DNAH14: variants seen among roughly 807,000 people sequenced by gnomAD.
DNAH14 encodes the protein dynein axonemal heavy chain 14, also known as axonemal beta dynein heavy chain 14.
Under a neutral mutation model 520.9 loss-of-function variants are expected in DNAH14, and 478 were observed. The ratio of observed to expected loss-of-function variants is 0.92; its 90% CI spans 0.85 to 0.99. The LOEUF is 0.99. Among genes scored for constraint, DNAH14 ranks in the 50% least tolerant of loss-of-function variants. The probability of loss-of-function intolerance (pLI) is 0.00; values close to 1 mark genes in which losing one functional copy is unlikely to be tolerated. For synonymous variants in DNAH14, 1,581 were observed against 1,757.2 expected, an observed-to-expected ratio of 0.90 and a Z score of 2.51; for missense variants, 4,831 against 5,234.5, an observed-to-expected ratio of 0.92 and a Z score of 2.38.
At chr1:225,015,006 G>A (rs1456664029) in intron 10 of DNAH14, among the ~76,000 whole-genome samples, 1 of 152,068 alleles carries the variant, frequency 6.6e-6, no homozygotes, top group Non-Finnish European at 1.5e-5. Context: ...ATTTACAATT[G>A]TTATATTATC....
In DNAH14 at chr1:225,123,523, G is replaced by A. The variant is rs943379802; in HGVS notation, c.4167-4G>A. On this transcript the variant is annotated splice_polypyrimidine_tract_variant and splice_region_variant and intron_variant, in intron 26 of 85. Coordinates refer to ENST00000682510, the MANE Select transcript of DNAH14 (RefSeq NM_001367479.1). ...ATAACATAAATAAATTTTTTAATTTGTAGATTTTTAAGTCAAGGGATTGAA... is the reference window on the plus strand; with the variant it reads ...ATAACATAAATAAATTTTTTAATTTATAGATTTTTAAGTCAAGGGATTGAA... The A allele has an allele frequency of 6.3e-5, 26 of 410,906 alleles. No individual in the cohort carries two copies. Among genetic ancestry groups the A allele is most frequent in the African/African-American group, 5.0e-4 (24 of 48,156 alleles). 25.5% of individuals were successfully genotyped at this position (410,906 alleles called of 1,614,324 possible).
chr1:225,273,974 G>T (rs1218915014), intron 52 of DNAH14, among the ~76,000 whole-genome samples: 1 of 151,996 alleles, frequency 6.6e-6, no homozygotes, highest in East Asian at 1.9e-4. Flanking sequence ...ATTAACAGAA[G>T]CCCAGGAAAT....
chr1:225,155,180 A>G (rs2080905452), intron 34 of DNAH14, among the ~76,000 whole-genome samples: 1 of 152,158 alleles, frequency 6.6e-6, no homozygotes, highest in South Asian at 2.1e-4. Context: ...TTCTGGGTAG[A>G]AAGGAACAAG....
intron 77 of DNAH14, among the ~76,000 whole-genome samples, chr1:225,373,058 A>C (rs2095637344): frequency 6.6e-6 from 1 of 152,004 alleles, no homozygotes; most frequent in Non-Finnish European, 1.5e-5. Context: ...ATAGTAACAA[A>C]AAAATTCCTT....
At chr1:225,213,580 C>T (rs1053083961) in intron 41 of DNAH14, among the ~76,000 whole-genome samples, 6 of 152,128 alleles carry the variant, frequency 3.9e-5, no homozygotes, top group African/African-American at 1.2e-4. Context: ...TCTTTTATTT[C>T]GTTGAGCAGT....
Position 225,369,923 on chromosome 1 carries a change from C to T in DNAH14, c.12318+1891C>T, listed in dbSNP as rs182043156. Among the ~76,000 whole-genome samples, 508 of 152,264 alleles carry T rather than the reference C, an allele frequency of 3.3e-3. 5 individuals carry two copies. The highest frequency in any genetic ancestry group is 0.011 in the African/African-American group (473 of 41,546). On this transcript the variant is annotated intron_variant, in intron 77 of 85. Coordinates refer to ENST00000682510, the MANE Select transcript of DNAH14 (RefSeq NM_001367479.1). Reference sequence around the variant, plus strand: ...GAAATCAGCCAGGCTCGGTGGCTCACAGCTGTAATCTCAGCACTTTGGGAG... The same window carrying T: ...GAAATCAGCCAGGCTCGGTGGCTCATAGCTGTAATCTCAGCACTTTGGGAG...
At chr1:225,371,844 T>C (rs2095622031) in intron 77 of DNAH14, among the ~76,000 whole-genome samples, 1 of 152,076 alleles carries the variant, frequency 6.6e-6, no homozygotes, top group Non-Finnish European at 1.5e-5. Flanking sequence ...GGAACAAATT[T>C]AACAAGAAAC....
At chr1:225,114,738 A>C (rs888962139) in intron 23 of DNAH14, among the ~76,000 whole-genome samples, 2 of 152,092 alleles carry the variant, frequency 1.3e-5, no homozygotes, top group Non-Finnish European at 2.9e-5. Flanking sequence ...CAGCTGAGTT[A>C]TGTCCAGTGT....
In DNAH14 at chr1:225,050,241, G is replaced by C. The variant is rs2068412143; in HGVS notation, c.1944G>C (p.Gln648His). The change falls in exon 16 of 86, where the codon CAG (glutamine) becomes CAC (histidine). Residue 648 changes from glutamine to histidine, a missense_variant. Gln to His is a conservative substitution (Grantham distance 24). Transcript: ENST00000682510. The stretch of plus-strand genomic sequence containing the variant: ...TTACTCCTCTTTGCCAAGATCCCCA[G>C]CTGTCTATCTTCATTGATTTGGTTT... Reference protein sequence around the residue: ...TTITPLCQDPQLSIFIDLVSI... With the variant: ...TTITPLCQDPHLSIFIDLVSI... 6.5e-7 allele frequency: 1 copy of C among 1,545,348 alleles called. No homozygotes were observed. Among genetic ancestry groups the C allele is most frequent in the South Asian group, 1.2e-5 (1 of 81,676 alleles).
At chr1:224,949,743 A>G (rs1032104839) in intron 1 of DNAH14, among the ~76,000 whole-genome samples, 1 of 152,110 alleles carries the variant, frequency 6.6e-6, no homozygotes, top group African/African-American at 2.4e-5. Flanking sequence ...AGGTTCATGC[A>G]TTATTATATT....
chr1:225,046,441 T>C lies in DNAH14; in HGVS notation c.1912+2458T>C, dbSNP rs2067970738. ...ATTCTATTATGATTTCATTTTTATA[T>C]TTAAATATTTGTTCACTCTGAGATT... On this transcript the variant is annotated intron_variant, in intron 15 of 85. Coordinates refer to ENST00000682510, the MANE Select transcript of DNAH14 (RefSeq NM_001367479.1). Among the ~76,000 whole-genome samples, 3 of 152,144 alleles carry C rather than the reference T, an allele frequency of 2.0e-5. No individual in the cohort carries two copies. The South Asian group carries it at 6.2e-4, about 31-fold the overall frequency.
intron 64 of DNAH14, among the ~76,000 whole-genome samples, chr1:225,328,496 G>C (rs368455591): frequency 1.3e-5 from 2 of 152,034 alleles, no homozygotes; most frequent in South Asian, 4.2e-4. Context: ...TTAAAATTTA[G>C]CTTACTAGTT....
intron 8 of DNAH14, among the ~76,000 whole-genome samples, chr1:224,992,046 C>A (rs2063093694): frequency 6.6e-6 from 1 of 152,242 alleles, no homozygotes; most frequent in East Asian, 1.9e-4. Context: ...TCAGTTTGTA[C>A]ACGCATAGGT....
intron 8 of DNAH14, among the ~76,000 whole-genome samples, chr1:224,996,841 G>T (rs1446219686): frequency 6.6e-6 from 1 of 152,170 alleles, no homozygotes; most frequent in Non-Finnish European, 1.5e-5. Context: ...TCCTGCTTAT[G>T]CAGGGCCTTG....
chr1:225,016,185 CTT>C (rs1441385971), intron 10 of DNAH14, among the ~76,000 whole-genome samples: 1 of 152,110 alleles, frequency 6.6e-6, no homozygotes, highest in Non-Finnish European at 1.5e-5. Context: ...ACCATTGTCC[CTT>C]GGTGTCCATG....
At chr1:225,321,733 G>A (rs557378177) in intron 61 of DNAH14, among the ~76,000 whole-genome samples, 8 of 152,256 alleles carry the variant, frequency 5.3e-5, no homozygotes, top group African/African-American at 1.7e-4. Flanking sequence ...CCAGTGGCAC[G>A]TCAACTGATT....
At chr1:225,270,708 T>C (rs553935605) in intron 49 of DNAH14, 27 bp from the exon 50 acceptor site, 10 of 1,546,328 alleles carry the variant, frequency 6.5e-6, no homozygotes, top group Non-Finnish European at 8.7e-6. Context: ...TACATTCAGT[T>C]ACTCTTCCTT....
chr1:225,051,692 T>A lies in DNAH14; in HGVS notation c.2321T>A (p.Leu774His), dbSNP rs1280626890. The stretch of plus-strand genomic sequence containing the variant: ...ATTGGTATTTTCAACGTTGTAAGTC[T>A]TGATTATCAATCAGAATGCTTACTG... ...KRIGIFNVVS[L>H]DYQSECLLYI... Residue 774 changes from leucine to histidine, a missense_variant, in exon 17 of 86, where the codon CTT becomes CAT. Coordinates refer to ENST00000682510, the MANE Select transcript of DNAH14 (RefSeq NM_001367479.1). 6.4e-7 allele frequency: 1 copy of A among 1,551,318 alleles called. No homozygotes were observed. Among genetic ancestry groups the A allele is most frequent in the Admixed American group, 2.0e-5 (1 of 50,998 alleles).
intron 64 of DNAH14, among the ~76,000 whole-genome samples, chr1:225,327,220 C>T (rs1301177779): frequency 3.3e-5 from 5 of 151,660 alleles, no homozygotes; most frequent in Non-Finnish European, 7.4e-5. Flanking sequence ...TGCAGAGGCG[C>T]GATCTCGGCT....
Sources: gnomAD v4.1 joint callset for allele counts (sites outside exome capture counted in the v4.1 genomes callset) on GRCh38, gnomAD v4.1.1 for gene constraint, MANE v1.5 for transcripts, NCBI Gene and HGNC (gene_info 2026-07-23, HGNC 2026-07-21) for gene names.